GBE1: variants seen among roughly 807,000 people sequenced by gnomAD.
GBE1 encodes the protein 1,4-alpha-glucan branching enzyme 1, also known as 1,4-alpha-glucan-branching enzyme.
GBE1 carries 70 observed loss-of-function variants against 88.8 expected under a neutral mutation model. That is an observed-to-expected ratio of 0.79 (90% CI 0.65 to 0.96). The LOEUF (loss-of-function observed/expected upper bound fraction) is 0.96, where lower values mean the gene tolerates loss of function less well. Among genes scored for constraint, GBE1 ranks in the 40% least tolerant of loss-of-function variants. The probability of loss-of-function intolerance (pLI) is 0.00; values close to 1 mark genes in which losing one functional copy is unlikely to be tolerated. For missense variants in GBE1, 872 were observed against 871.0 expected, an observed-to-expected ratio of 1.00 and a Z score of -0.01; for synonymous variants, 284 against 300.1, an observed-to-expected ratio of 0.95 and a Z score of 0.56.
intron 7 of GBE1, chr3:81,612,363 A>G: frequency 1.3e-6 from 1 of 785,314 alleles, no homozygotes; most frequent in Non-Finnish European, 2.2e-6. Flanking sequence ...GACTTTGAAG[A>G]TGGATCACCA....
intron 15 of GBE1, 107 bp from the exon 16 acceptor site, chr3:81,490,570 C>T: frequency 1.1e-6 from 1 of 886,646 alleles, no homozygotes; most frequent in South Asian, 1.5e-5. Flanking sequence ...CCTAAAGTTA[C>T]AGTTACCTTT....
At chr3:81,557,841 G>A (rs1318166087) in intron 12 of GBE1, among the ~76,000 whole-genome samples, 1 of 151,996 alleles carries the variant, frequency 6.6e-6, no homozygotes, top group Non-Finnish European at 1.5e-5. Flanking sequence ...AGGAGTCTGT[G>A]AAGCAGACAG....
At chr3:81,711,069 G>A (rs1455712161) in intron 1 of GBE1, among the ~76,000 whole-genome samples, 1 of 152,194 alleles carries the variant, frequency 6.6e-6, no homozygotes, top group Non-Finnish European at 1.5e-5. Flanking sequence ...CTGGAAGGCA[G>A]TTGGTTCATC....
Position 81,581,277 on chromosome 3 carries a change from T to C in GBE1, c.1336-2A>G, listed in dbSNP as rs780327247. On this transcript the variant is annotated splice_acceptor_variant, in intron 10 of 15. Transcript: ENST00000429644. LOFTEE classifies it high-confidence loss of function. Reference sequence around the variant, plus strand: ...TTCATCTTTAAACTCTTTAAGTAGCTAGACACAAGAGAGAAAAATAAGCTT... The same window carrying C: ...TTCATCTTTAAACTCTTTAAGTAGCCAGACACAAGAGAGAAAAATAAGCTT... 3 of 1,501,166 alleles carry C rather than the reference T, an allele frequency of 2.0e-6. No individual in the cohort carries two copies. Among genetic ancestry groups the C allele is most frequent in the South Asian group, 2.5e-5 (2 of 80,332 alleles). The allele number at this position is 1,501,166 out of a possible 1,614,324, so 93.0% of individuals were successfully genotyped here. A position where few individuals can be genotyped will look rare whatever the true frequency, so the allele number is the denominator to read the frequency against.
chr3:81,724,890 C>T (rs184400677), intron 1 of GBE1, among the ~76,000 whole-genome samples: 57 of 152,276 alleles, frequency 3.7e-4, no homozygotes, highest in African/African-American at 7.5e-4. Context: ...ACTCTCAAAA[C>T]GTGTGTTTCT....
At chr3:81,502,346 GGAAAA>G (rs1702598100) in intron 14 of GBE1, among the ~76,000 whole-genome samples, 1 of 152,080 alleles carries the variant, frequency 6.6e-6, no homozygotes, top group African/African-American at 2.4e-5. Flanking sequence ...TAGCCATAAA[GGAAAA>G]GCTTATGAAA....
chr3:81,744,432 A>G (rs1473540728), intron 1 of GBE1, among the ~76,000 whole-genome samples: 1 of 152,124 alleles, frequency 6.6e-6, no homozygotes, highest in East Asian at 1.9e-4. Context: ...ATTGGATAAC[A>G]TTGGTCTGGG....
At chr3:81,595,313 T>C (rs77466244) in intron 7 of GBE1, among the ~76,000 whole-genome samples, 132 of 151,878 alleles carry the variant, frequency 8.7e-4, no homozygotes, top group African/African-American at 3.0e-3. Flanking sequence ...CAAGGAGATA[T>C]AATAGAACTG....
rs572672227 is a variant in GBE1 at position 81,535,281 on chromosome 3, A to C, written c.1848T>G (p.Phe616Leu). The C allele has an allele frequency of 2.9e-5, 47 of 1,611,394 alleles. No homozygotes were observed. In the African/African-American group the frequency reaches 5.7e-4, roughly 20 times the overall value. The change falls in exon 14 of 16, where the codon TTT becomes TTG. Residue 616 changes from phenylalanine (F) to leucine (L), a missense_variant. Transcript: ENST00000429644. ...AAATGAAAAGAAGACCTGCTCTTTC[A>C]AAAGCAATGATCTTATTGCCTTCAT... is the stretch of plus-strand genomic sequence containing the variant. ...EKHEGNKIIAFERAGLLFIFN... is the reference protein window; with the variant it reads ...EKHEGNKIIALERAGLLFIFN...
intron 1 of GBE1, among the ~76,000 whole-genome samples, chr3:81,729,335 A>G (rs902056589): frequency 5.3e-5 from 8 of 152,160 alleles, no homozygotes; most frequent in Non-Finnish European, 1.0e-4. Flanking sequence ...GAAGTTAAGA[A>G]GGAAAATGCA....
chr3:81,741,894 C>T (rs2594552), intron 1 of GBE1, among the ~76,000 whole-genome samples: 147,818 of 147,818 alleles, frequency 1, 73,909 homozygotes, highest in Non-Finnish European at 1. Context: ...ATAACTAGAG[C>T]TCTAATTTTA....
chr3:81,724,451 CA>C (rs1165395213), intron 1 of GBE1, among the ~76,000 whole-genome samples: 1 of 152,088 alleles, frequency 6.6e-6, no homozygotes, highest in African/African-American at 2.4e-5. Context: ...GATCTCTAAT[CA>C]AATTCACCCC....
chr3:81,664,454 A>C (rs1439079401), intron 3 of GBE1, among the ~76,000 whole-genome samples: 2 of 151,824 alleles, frequency 1.3e-5, no homozygotes, highest in Middle Eastern at 3.4e-3. Context: ...AAAAAAAAAA[A>C]AAAACCTGCC....
At chr3:81,515,594 C>A (rs530636526) in intron 14 of GBE1, among the ~76,000 whole-genome samples, 1 of 151,662 alleles carries the variant, frequency 6.6e-6, no homozygotes, top group East Asian at 1.9e-4. Context: ...AGGGGCATGT[C>A]TCTCACTTTA....
intron 8 of GBE1, 110 bp downstream of exon 8, chr3:81,593,798 A>T: frequency 1.7e-6 from 1 of 591,078 alleles, no homozygotes; most frequent in Middle Eastern, 2.6e-4. Flanking sequence ...GGGATAATAA[A>T]TTACTACAGA....
rs137989411 is a variant in GBE1, at chr3:81,749,366, G to A, written c.143+12009C>T. Among the ~76,000 whole-genome samples the A allele has an allele frequency of 2.0e-5, 3 of 151,520 alleles. No individual in the cohort carries two copies. In the East Asian group the frequency reaches 5.8e-4, roughly 29 times the overall value. On this transcript the variant is annotated intron_variant, in intron 1 of 15. Coordinates refer to ENST00000429644, the MANE Select transcript of GBE1 (RefSeq NM_000158.4). Reference sequence around the variant, plus strand: ...GCCAAAAAAGCCACTGTCAAAAACTGATATATGATTTCATTCATAGAACAC... The same window carrying A: ...GCCAAAAAAGCCACTGTCAAAAACTAATATATGATTTCATTCATAGAACAC...
intron 14 of GBE1, among the ~76,000 whole-genome samples, chr3:81,520,352 T>TCC (rs1559631927): frequency 1.3e-5 from 2 of 151,562 alleles, no homozygotes; most frequent in Non-Finnish European, 1.5e-5. Flanking sequence ...ATTACTATAC[T>TCC]ATATTAAACT....
Position 81,705,564 on chromosome 3 carries a change from C to T in GBE1, c.193G>A (p.Gly65Ser), listed in dbSNP as rs771039289. ...TAGCCTCTGGAAAACTTATCAATAC[C>T]ACCTTCATTTTCTCCAATGTTCTTC... ...ILKNIGENEG[G>S]IDKFSRGYES... Residue 65 changes from glycine to serine, a missense_variant, in exon 2 of 16, where the codon GGT becomes AGT. Coordinates refer to ENST00000429644, the MANE Select transcript of GBE1 (RefSeq NM_000158.4). 8 of 1,584,616 alleles carry T rather than the reference C, an allele frequency of 5.0e-6. No homozygotes were observed. The highest frequency in any genetic ancestry group is 6.9e-6 in the Non-Finnish European group (8 of 1,164,250).
chr3:81,493,940 C>G (rs974028346), intron 15 of GBE1, among the ~76,000 whole-genome samples: 2 of 151,912 alleles, frequency 1.3e-5, no homozygotes, highest in Non-Finnish European at 2.9e-5. Flanking sequence ...TCCAAGAACA[C>G]TCACTAACTG....
Sources: gnomAD v4.1 joint callset for allele counts (sites outside exome capture counted in the v4.1 genomes callset) on GRCh38, gnomAD v4.1.1 for gene constraint, MANE v1.5 for transcripts, NCBI Gene and HGNC (gene_info 2026-07-23, HGNC 2026-07-21) for gene names.